TMEM132C: variants seen among roughly 807,000 people sequenced by gnomAD.
TMEM132C encodes the protein transmembrane protein 132C, also known as protein phosphatase 1, regulatory subunit 152.
A neutral mutation model predicts 61.4 loss-of-function variants in TMEM132C; 29 were observed. The observed-to-expected ratio is 0.47, with a 90% CI of 0.35 to 0.64. TMEM132C has a LOEUF of 0.64. TMEM132C is among the 30% of genes least tolerant of loss of function. The pLI, the probability that TMEM132C is intolerant of heterozygous loss-of-function variation, is 0.00. For synonymous variants in TMEM132C, 656 were observed against 633.1 expected, an observed-to-expected ratio of 1.04 and a Z score of -0.54; for missense variants, 1,408 against 1,476.9, an observed-to-expected ratio of 0.95 and a Z score of 0.76.
chr12:128,368,301 G>A (rs1161719510), intron 1 of TMEM132C, among the ~76,000 whole-genome samples: 3 of 152,238 alleles, frequency 2.0e-5, no homozygotes, highest in Non-Finnish European at 4.4e-5. Context: ...TGTCAGGGAA[G>A]CCAGATTTGA....
intron 5 of TMEM132C, among the ~76,000 whole-genome samples, chr12:128,678,492 C>T (rs78497071): frequency 0.021 from 3,247 of 152,320 alleles, 110 homozygotes; most frequent in African/African-American, 0.071. Context: ...TCAGTTCTTT[C>T]ATCTGCAAAA....
chr12:128,553,241 C>T lies in TMEM132C; in HGVS notation c.1121+9138C>T, dbSNP rs138259190. Reference sequence around the variant, plus strand: ...ATTCAAAGCTGTCCTGGGCCACACACGCAGCCTGTGGGCTACAGGTTGGAC... The same window carrying T: ...ATTCAAAGCTGTCCTGGGCCACACATGCAGCCTGTGGGCTACAGGTTGGAC... On this transcript the variant is annotated intron_variant, in intron 3 of 8. Transcript: ENST00000435159. Among the ~76,000 whole-genome samples the T allele has an allele frequency of 1.5e-3, 221 of 152,372 alleles. 1 individual carries two copies. Among genetic ancestry groups the T allele is most frequent in the African/African-American group, 5.0e-3 (208 of 41,598 alleles).
intron 1 of TMEM132C, among the ~76,000 whole-genome samples, chr12:128,310,436 T>C (rs986328187): frequency 2.6e-5 from 4 of 152,142 alleles, no homozygotes; most frequent in African/African-American, 4.8e-5. Context: ...TCTGCTTGAC[T>C]TCTGGTAAAG....
chr12:128,276,061 C>T (rs1321756107), intron 1 of TMEM132C, among the ~76,000 whole-genome samples: 1 of 152,184 alleles, frequency 6.6e-6, no homozygotes, highest in Non-Finnish European at 1.5e-5. Context: ...TTATAACCCA[C>T]TGTAATCCAG....
chr12:128,458,630 C>T (rs989783126), intron 2 of TMEM132C, among the ~76,000 whole-genome samples: 4 of 152,114 alleles, frequency 2.6e-5, no homozygotes, highest in Non-Finnish European at 5.9e-5. Flanking sequence ...ACATAAAAGC[C>T]GTGGTGCACC....
chr12:128,583,469 G>A (rs1875424464), intron 3 of TMEM132C, among the ~76,000 whole-genome samples: 1 of 152,044 alleles, frequency 6.6e-6, no homozygotes, highest in Non-Finnish European at 1.5e-5. Context: ...GTGGAAAAGA[G>A]TTCTCCGCCT....
chr12:128,555,138 C>G lies in TMEM132C; in HGVS notation c.1121+11035C>G, dbSNP rs112501806. On this transcript the variant is annotated intron_variant, in intron 3 of 8. Coordinates refer to ENST00000435159, the MANE Select transcript of TMEM132C (RefSeq NM_001136103.3). The stretch of plus-strand genomic sequence containing the variant: ...AGGCAGGTAATAAAACGAGAAGGCT[C>G]TTTCCAAAAAAACAAAAAACAAAAC... Among the ~76,000 whole-genome samples the G allele has an allele frequency of 4.5e-3, 683 of 152,210 alleles. 11 individuals are homozygous for G. The highest frequency in any genetic ancestry group is 0.016 in the African/African-American group (653 of 41,534).
chr12:128,373,618 C>G (rs1387156927), intron 1 of TMEM132C, among the ~76,000 whole-genome samples: 1 of 152,196 alleles, frequency 6.6e-6, no homozygotes, highest in Non-Finnish European at 1.5e-5. Context: ...CCGTGGGGCA[C>G]AGAAGGTCAG....
rs150165859 is a variant in TMEM132C, at chr12:128,492,659, G to A, written c.975-51298G>A. Among the ~76,000 whole-genome samples the A allele has an allele frequency of 4.7e-3, 709 of 152,310 alleles. 5 individuals carry two copies. Among genetic ancestry groups the A allele is most frequent in the African/African-American group, 0.017 (687 of 41,554 alleles). On this transcript the variant is annotated intron_variant, in intron 2 of 8. Coordinates refer to ENST00000435159, the MANE Select transcript of TMEM132C (RefSeq NM_001136103.3). ...CTGCATAAGTGTCTTCTTTTGAGAA[G>A]TGTCTGTTCATATCCTTTGTCCACT...
At chr12:128,669,388 G>C (rs1324405391) in intron 4 of TMEM132C, 29 bp from the exon 5 acceptor site, 9 of 1,550,584 alleles carry the variant, frequency 5.8e-6, no homozygotes, top group Non-Finnish European at 7.0e-6. Context: ...TATCTCCCTT[G>C]ACCCAGTGTG....
At chr12:128,602,947 A>G (rs894135915) in intron 3 of TMEM132C, among the ~76,000 whole-genome samples, 4 of 152,210 alleles carry the variant, frequency 2.6e-5, no homozygotes, top group African/African-American at 9.7e-5. Flanking sequence ...TTGCTGCTTG[A>G]CAAGGTGGCC....
intron 3 of TMEM132C, among the ~76,000 whole-genome samples, chr12:128,581,798 C>G (rs908597181): frequency 6.6e-6 from 1 of 152,166 alleles, no homozygotes; most frequent in Non-Finnish European, 1.5e-5. Flanking sequence ...ATGTTTTATT[C>G]AGATTCCCCG....
chr12:128,590,988 G>C (rs1875729804), intron 3 of TMEM132C, among the ~76,000 whole-genome samples: 1 of 152,186 alleles, frequency 6.6e-6, no homozygotes, highest in East Asian at 1.9e-4. Flanking sequence ...TCACTATGTT[G>C]CCCAGGCTGC....
intron 4 of TMEM132C, among the ~76,000 whole-genome samples, chr12:128,650,014 G>C (rs1192234199): frequency 6.6e-6 from 1 of 152,140 alleles, no homozygotes; most frequent in African/African-American, 2.4e-5. Context: ...CTGCAAGCCA[G>C]CAGAGCTGTT....
At chr12:128,700,143 G>A (rs977286026) in intron 8 of TMEM132C, among the ~76,000 whole-genome samples, 24 of 152,122 alleles carry the variant, frequency 1.6e-4, no homozygotes, top group African/African-American at 4.8e-4. Context: ...ATCTCCTGTC[G>A]CCCATCTGTC....
At chr12:128,690,388 G>A (rs925335735) in intron 5 of TMEM132C, among the ~76,000 whole-genome samples, 14 of 152,188 alleles carry the variant, frequency 9.2e-5, no homozygotes, top group Admixed American at 9.2e-4. Context: ...CCACTTAGGA[G>A]ATGATTAATG....
chr12:128,570,349 G>C lies in TMEM132C; in HGVS notation c.1121+26246G>C, dbSNP rs1874835246. 1.3e-5 allele frequency among the ~76,000 whole-genome samples: 2 copies of C among 152,222 alleles called. No homozygotes were observed. The highest frequency in any genetic ancestry group is 4.8e-5 in the African/African-American group (2 of 41,452). The stretch of plus-strand genomic sequence containing the variant: ...TTTCCAAGTAATTCACAACACGTGA[G>C]TGCATTCATGGGCCTTTACAAATCT... On this transcript the variant is annotated intron_variant, in intron 3 of 8. Coordinates refer to ENST00000435159, the MANE Select transcript of TMEM132C (RefSeq NM_001136103.3). This position sits in a 1 kb window ranked among gnomAD's most constrained non-coding sequence, Gnocchi z 4.7.
chr12:128,269,840 C>T (rs1211989854), intron 1 of TMEM132C, among the ~76,000 whole-genome samples: 1 of 150,952 alleles, frequency 6.6e-6, no homozygotes, highest in African/African-American at 2.4e-5. Context: ...AAAGCCATCT[C>T]TGTCTCTTCC....
At chr12:128,356,974 C>A (rs1212254927) in intron 1 of TMEM132C, among the ~76,000 whole-genome samples, 1 of 152,156 alleles carries the variant, frequency 6.6e-6, no homozygotes, top group Non-Finnish European at 1.5e-5. Context: ...GTGTAGTTTT[C>A]TATTTCTCGC....
Sources: gnomAD v4.1 joint callset for allele counts (sites outside exome capture counted in the v4.1 genomes callset) on GRCh38, gnomAD v4.1.1 for gene constraint, Gnocchi (gnomAD v3.1) non-coding constraint, MANE v1.5 for transcripts, NCBI Gene and HGNC (gene_info 2026-07-23, HGNC 2026-07-21) for gene names.